SLC4A8: variants seen among roughly 807,000 people sequenced by gnomAD.
SLC4A8 encodes electroneutral sodium bicarbonate exchanger 1.
SLC4A8 carries 40 observed loss-of-function variants against 125.0 expected under a neutral mutation model. The observed-to-expected ratio is 0.32, with a 90% CI of 0.25 to 0.42. The LOEUF is 0.42. Among genes scored for constraint, SLC4A8 ranks in the 10% least tolerant of loss-of-function variants. The pLI, the probability that SLC4A8 is intolerant of heterozygous loss-of-function variation, is 1.00. For synonymous variants in SLC4A8, 456 were observed against 476.0 expected, an observed-to-expected ratio of 0.96 and a Z score of 0.55; for missense variants, 863 against 1,355.1, an observed-to-expected ratio of 0.64 and a Z score of 5.70.
chr12:51,452,043 A>T, intron 3 of SLC4A8, 81 bp from the exon 4 acceptor site: 1 of 1,353,392 alleles, frequency 7.4e-7, no homozygotes, highest in South Asian at 1.2e-5. Flanking sequence ...TATATTTCTA[A>T]AGTTGTTAGG....
chr12:51,474,250 G>T, intron 14 of SLC4A8, 92 bp from the exon 15 acceptor site: 1 of 757,716 alleles, frequency 1.3e-6, no homozygotes, highest in South Asian at 2.0e-5. Context: ...CAGCAAGGCA[G>T]CTCCTGACAG....
rs148668272 is a variant in SLC4A8 at position 51,498,246 on chromosome 12, A to G, written c.3081+1122A>G. Among the ~76,000 whole-genome samples, 761 of 152,218 alleles carry G rather than the reference A, an allele frequency of 5.0e-3. 1 individual carries two copies. Among genetic ancestry groups the G allele is most frequent in the African/African-American group, 0.017 (726 of 41,552 alleles). ...TCTAATCAAAATTTTAAAATAACAG[A>G]TAAGTTGAGACATGTTAATATCCTT... On this transcript the variant is annotated intron_variant, in intron 22 of 24. Transcript: ENST00000453097.
chr12:51,405,279 G>A (rs1253839544), intron 1 of SLC4A8, among the ~76,000 whole-genome samples: 4 of 152,196 alleles, frequency 2.6e-5, no homozygotes, highest in African/African-American at 9.6e-5. Flanking sequence ...TGGGAGAGAA[G>A]GTGATCCCAA....
chr12:51,495,244 T>C, intron 21 of SLC4A8, 126 bp downstream of exon 21: 7 of 765,900 alleles, frequency 9.1e-6, no homozygotes, highest in Non-Finnish European at 1.2e-5. Flanking sequence ...TTCACATTGC[T>C]GTGGAGCTAT....
chr12:51,403,037 G>A (rs1220736464), intron 1 of SLC4A8: 4 of 365,608 alleles, frequency 1.1e-5, no homozygotes, highest in South Asian at 4.1e-5. Flanking sequence ...GTAGTCATGG[G>A]TAAGTTGTTT....
intron 1 of SLC4A8, among the ~76,000 whole-genome samples, chr12:51,434,992 C>T (rs1057111803): frequency 1.3e-5 from 2 of 152,178 alleles, no homozygotes; most frequent in African/African-American, 2.4e-5. Flanking sequence ...ATATAAGACC[C>T]AGTACCTATC....
At position 51,511,317 on chromosome 12, in the gene SLC4A8, C is replaced by T. The variant is rs1670513250; in HGVS notation, c.*3879C>T. The T allele has an allele frequency of 6.6e-6, 1 of 152,162 alleles. No individual in the cohort carries two copies. Among genetic ancestry groups the T allele is most frequent in the Admixed American group, 6.5e-5 (1 of 15,268 alleles). 9.4% of individuals were successfully genotyped at this position (152,162 alleles called of 1,614,324 possible). ...AACCACATGGGACTGATAGCTTTCT[C>T]AAGGGATCTCCAAGCATCTCTGAAT... On this transcript the variant is annotated 3_prime_UTR_variant, in exon 25 of 25. Coordinates refer to ENST00000453097, the MANE Select transcript of SLC4A8 (RefSeq NM_001039960.3).
intron 1 of SLC4A8, among the ~76,000 whole-genome samples, chr12:51,425,748 C>G (rs910935570): frequency 1.3e-5 from 2 of 152,160 alleles, no homozygotes; most frequent in Non-Finnish European, 2.9e-5. Flanking sequence ...GAAATCCTAC[C>G]TCTGCCTCAC....
chr12:51,471,241 AATGCCATCC>A (rs1171855499), intron 13 of SLC4A8, 37 bp from the exon 14 acceptor site: 2 of 1,579,856 alleles, frequency 1.3e-6, no homozygotes, highest in African/African-American at 2.7e-5. Context: ...CTTGTCTCTT[AATGCCATCC>A]ATCCATGCGT....
At chr12:51,483,811 C>T (rs1951094001) in intron 16 of SLC4A8, among the ~76,000 whole-genome samples, 1 of 151,954 alleles carries the variant, frequency 6.6e-6, no homozygotes, top group Non-Finnish European at 1.5e-5. Flanking sequence ...CATATGTATA[C>T]ATGTGCCATG....
At chr12:51,441,720 T>C (rs1473702316) in intron 2 of SLC4A8, among the ~76,000 whole-genome samples, 1 of 152,236 alleles carries the variant, frequency 6.6e-6, no homozygotes, top group Non-Finnish European at 1.5e-5. Flanking sequence ...GTTCTCTCTG[T>C]ACTGCCTGTT....
chr12:51,393,602 G>C (rs1948202841), intron 1 of SLC4A8, among the ~76,000 whole-genome samples: 2 of 152,192 alleles, frequency 1.3e-5, no homozygotes. Context: ...GATGGAGTCA[G>C]GAGAGAAGGC....
intron 2 of SLC4A8, among the ~76,000 whole-genome samples, chr12:51,445,425 C>T (rs1047578280): frequency 2.0e-5 from 3 of 152,168 alleles, no homozygotes; most frequent in African/African-American, 4.8e-5. Context: ...TCCTTAGCCT[C>T]CCAGAGTGTT....
At chr12:51,496,894 T>A (rs997314835) in intron 21 of SLC4A8, 93 bp from the exon 22 acceptor site, 1 of 1,266,592 alleles carries the variant, frequency 7.9e-7, no homozygotes, top group South Asian at 1.4e-5. Context: ...TTGCTTGAAA[T>A]GTCCTAGTCT....
In SLC4A8 at chr12:51,433,791, A is replaced by AT. The variant is rs1190824894; in HGVS notation, c.49-6913dup. The stretch of plus-strand genomic sequence containing the variant: ...TTCAAGCATATAGCAAAGTAGAGAG[A>AT]TTTTGCATAGTGAATCATCATGTAC... On this transcript the variant is annotated intron_variant, in intron 1 of 24. Coordinates refer to ENST00000453097, the MANE Select transcript of SLC4A8 (RefSeq NM_001039960.3). Among the ~76,000 whole-genome samples the AT allele has an allele frequency of 6.7e-5, 10 of 149,656 alleles. No individual in the cohort carries two copies. In the East Asian group the frequency reaches 2.0e-3, roughly 30 times the overall value.
intron 19 of SLC4A8, among the ~76,000 whole-genome samples, chr12:51,492,525 C>T (rs954420467): frequency 2.8e-4 from 43 of 152,290 alleles, no homozygotes; most frequent in African/African-American, 8.9e-4. Context: ...CATGAAGGCG[C>T]GGCAGTGGCC....
intron 14 of SLC4A8, among the ~76,000 whole-genome samples, chr12:51,472,707 C>A (rs1485200432): frequency 6.6e-6 from 1 of 152,086 alleles, no homozygotes; most frequent in Non-Finnish European, 1.5e-5. Flanking sequence ...GCAAAGTGAC[C>A]AGCCCCGGAT....
At chr12:51,475,465 G>T (rs899750587) in intron 16 of SLC4A8, among the ~76,000 whole-genome samples, 2 of 152,206 alleles carry the variant, frequency 1.3e-5, no homozygotes, top group Non-Finnish European at 2.9e-5. Context: ...TTTTTTAAAA[G>T]TTATTAAGTC....
intron 2 of SLC4A8, among the ~76,000 whole-genome samples, chr12:51,443,312 T>G (rs1169917200): frequency 6.6e-6 from 1 of 152,160 alleles, no homozygotes; most frequent in Non-Finnish European, 1.5e-5. Flanking sequence ...TAAGAACTAT[T>G]TCTGAGATTT....
Sources: allele counts gnomAD v4.1 joint callset (sites outside exome capture counted in the v4.1 genomes callset), GRCh38; gene constraint gnomAD v4.1.1; transcripts MANE v1.5; gene names NCBI Gene and HGNC (gene_info 2026-07-23, HGNC 2026-07-21).